Variants in PRKAR1B observed in about 807,000 individuals in gnomAD.
The protein encoded by PRKAR1B is protein kinase cAMP-dependent type I regulatory subunit beta, also known as cAMP-dependent protein kinase type I-beta regulatory subunit.
Under a neutral mutation model 46.5 loss-of-function variants are expected in PRKAR1B, and 22 were observed. The observed-to-expected ratio is 0.47, with a 90% CI of 0.34 to 0.68. The LOEUF is 0.68. Among genes scored for constraint, PRKAR1B ranks in the 30% least tolerant of loss-of-function variants. The probability of loss-of-function intolerance (pLI) is 0.01; values close to 1 mark genes in which losing one functional copy is unlikely to be tolerated. For missense variants in PRKAR1B, 445 were observed against 535.6 expected (o/e 0.83, Z 1.67); for synonymous variants, 259 against 217.7 (o/e 1.19, Z -1.67).
At position 579,237 on chromosome 7, in the gene PRKAR1B, C is replaced by G. The variant is rs149926526; in HGVS notation, c.891+19G>C. Reference sequence around the variant, plus strand: ...CCCCAGTGCACACCCAGAGCGCCCACGTGGGAAGCACGTCTCACCTCCGTG... The same window carrying G: ...CCCCAGTGCACACCCAGAGCGCCCAGGTGGGAAGCACGTCTCACCTCCGTG... On this transcript the variant is annotated intron_variant, in intron 9 of 10. Transcript: ENST00000537384. 10 of 1,613,966 alleles carry G rather than the reference C, an allele frequency of 6.2e-6. No homozygotes were observed. The highest frequency in any genetic ancestry group is 1.7e-5 in the Admixed American group (1 of 60,026).
intron 5 of PRKAR1B, among the ~76,000 whole-genome samples, 188 bp from the exon 6 acceptor site, chr7:606,427 A>G (rs1191523115): frequency 6.6e-6 from 1 of 152,202 alleles, no homozygotes; most frequent in Non-Finnish European, 1.5e-5. Context: ...CCTGTTCTTA[A>G]GTTTCATTAG....
At chr7:700,704 C>T (rs529046732) in intron 2 of PRKAR1B, among the ~76,000 whole-genome samples, 57 of 150,630 alleles carry the variant, frequency 3.8e-4, no homozygotes, top group African/African-American at 1.4e-3. Context: ...AGAAGGAGAA[C>T]AGGAGGAGGA....
intron 4 of PRKAR1B, among the ~76,000 whole-genome samples, chr7:612,475 GATGT>G (rs1274642329): frequency 2.7e-5 from 4 of 149,682 alleles, no homozygotes; most frequent in African/African-American, 5.0e-5. Context: ...TGGATGGATG[GATGT>G]AAGGATGGAT....
At chr7:625,184 CAAGAG>C (rs1185186858) in intron 4 of PRKAR1B, among the ~76,000 whole-genome samples, 3 of 151,952 alleles carry the variant, frequency 2.0e-5, no homozygotes, top group Admixed American at 2.0e-4. Context: ...AAAGAAGGCT[CAAGAG>C]AAGTTGAAAA....
intron 9 of PRKAR1B, among the ~76,000 whole-genome samples, chr7:576,411 G>C (rs1240158311): frequency 6.6e-6 from 1 of 152,110 alleles, no homozygotes; most frequent in East Asian, 1.9e-4. Context: ...CTACTCTACC[G>C]ACCGGAAATA....
At chr7:704,013 C>T (rs185897210) in intron 2 of PRKAR1B, among the ~76,000 whole-genome samples, 1 of 152,020 alleles carries the variant, frequency 6.6e-6, no homozygotes, top group African/African-American at 2.4e-5. Flanking sequence ...ATATTTTGAG[C>T]TAAATAGAAA....
intron 4 of PRKAR1B, among the ~76,000 whole-genome samples, chr7:629,005 G>A (rs1047530723): frequency 6.6e-6 from 1 of 152,218 alleles, no homozygotes; most frequent in African/African-American, 2.4e-5. Flanking sequence ...CTCCGCCACC[G>A]CGGGACGCCA....
chr7:551,296 GC>G, intron 10 of PRKAR1B, 92 bp downstream of exon 10: 5 of 1,226,636 alleles, frequency 4.1e-6, no homozygotes, highest in Middle Eastern at 2.7e-4. Context: ...CCCCAGGGAA[GC>G]CCCCCAGCAG....
At chr7:700,719 G>A (rs1353693797) in intron 2 of PRKAR1B, among the ~76,000 whole-genome samples, 1 of 151,868 alleles carries the variant, frequency 6.6e-6, no homozygotes, top group African/African-American at 2.4e-5. Context: ...GGAGGAGTAG[G>A]AAGAGGAGGA....
rs1779009164 is a variant in PRKAR1B at position 685,338 on chromosome 7, G to GTATATATACATATATATATAC, written c.178-4613_178-4612insGTATATATATATGTATATATA. Among the ~76,000 whole-genome samples the GTATATATACATATATATATAC allele has an allele frequency of 1.1e-4, 6 of 56,476 alleles. No individual in the cohort carries two copies. In the East Asian group the frequency reaches 1.9e-3, roughly 18 times the overall value. The allele number at this position is 56,476 out of a possible 152,430, so 37.1% of individuals were successfully genotyped here. A position where few individuals can be genotyped will look rare whatever the true frequency, so the allele number is the denominator to read the frequency against. On this transcript the variant is annotated intron_variant, in intron 2 of 10. Transcript: ENST00000537384. ...TATACGTATATATACGTATATATAC[G>GTATATATACATATATATATAC]TATATATATGTATACATATATATAT...
intron 2 of PRKAR1B, among the ~76,000 whole-genome samples, chr7:699,192 T>C (rs903965736): frequency 6.6e-6 from 1 of 152,202 alleles, no homozygotes; most frequent in Admixed American, 6.5e-5. Context: ...GCTCCATGAC[T>C]CTCCCTGGCT....
intron 2 of PRKAR1B, among the ~76,000 whole-genome samples, chr7:698,636 A>G (rs114825149): frequency 0.042 from 6,393 of 152,002 alleles, 421 homozygotes; most frequent in African/African-American, 0.13. Context: ...GCGTGTACAC[A>G]TGCATGCAAA....
At chr7:723,437 A>G (rs1479613771) in intron 1 of PRKAR1B, among the ~76,000 whole-genome samples, 1 of 151,944 alleles carries the variant, frequency 6.6e-6, no homozygotes, top group African/African-American at 2.4e-5. Flanking sequence ...AACCCAGGGG[A>G]CCCACCACCT....
chr7:668,970 C>T lies in PRKAR1B; in HGVS notation c.440+8259G>A, dbSNP rs540879059. Among the ~76,000 whole-genome samples the T allele has an allele frequency of 1.1e-4, 17 of 152,250 alleles. No individual in the cohort carries two copies. In the East Asian group the frequency reaches 2.9e-3, roughly 26 times the overall value. Reference sequence around the variant, plus strand: ...CTAAACATGGAACTACCATATGACCCGGCAATTCCATCCATCAGCATCTGC... The same window carrying T: ...CTAAACATGGAACTACCATATGACCTGGCAATTCCATCCATCAGCATCTGC... On this transcript the variant is annotated intron_variant, in intron 4 of 10. Transcript: ENST00000537384.
intron 9 of PRKAR1B, among the ~76,000 whole-genome samples, chr7:553,440 G>A (rs893175070): frequency 1.3e-5 from 2 of 152,190 alleles, no homozygotes; most frequent in East Asian, 1.9e-4. Flanking sequence ...CAGCACCTGC[G>A]TGAGGAATGT....
intron 4 of PRKAR1B, among the ~76,000 whole-genome samples, chr7:654,370 C>A (rs1165510133): frequency 6.6e-6 from 1 of 150,778 alleles, no homozygotes; most frequent in Non-Finnish European, 1.5e-5. Flanking sequence ...CTGTCATTAC[C>A]ATCATCATTT....
At chr7:567,931 T>C (rs1779276405) in intron 9 of PRKAR1B, among the ~76,000 whole-genome samples, 1 of 152,072 alleles carries the variant, frequency 6.6e-6, no homozygotes, top group Admixed American at 6.5e-5. Flanking sequence ...CCTGGGAAGA[T>C]GAAACATTCT....
chr7:655,848 C>A (rs1016364974), intron 4 of PRKAR1B, among the ~76,000 whole-genome samples: 2 of 152,172 alleles, frequency 1.3e-5, no homozygotes, highest in Non-Finnish European at 2.9e-5. Flanking sequence ...ACCTCAGTTA[C>A]CCTCTGGGTG....
chr7:627,743 G>A (rs374357898), intron 4 of PRKAR1B, among the ~76,000 whole-genome samples: 3 of 150,704 alleles, frequency 2.0e-5, no homozygotes, highest in Admixed American at 6.6e-5. Flanking sequence ...CGCCCTCCCC[G>A]GGCACTGGGG....
Sources: allele counts gnomAD v4.1 joint callset (sites outside exome capture counted in the v4.1 genomes callset), GRCh38; gene constraint gnomAD v4.1.1; transcripts MANE v1.5; gene names NCBI Gene and HGNC (gene_info 2026-07-23, HGNC 2026-07-21).